Variants in RAI14 observed in about 807,000 individuals in gnomAD.
RAI14 encodes ankycorbin.
Under a neutral mutation model 115.4 loss-of-function variants are expected in RAI14, and 45 were observed. The observed-to-expected ratio is 0.39, with a 90% CI of 0.31 to 0.50. RAI14 has a LOEUF of 0.50. Ranked by LOEUF, RAI14 falls within the 20% of genes least tolerant of loss-of-function variation. The pLI is 0.85. For missense variants in RAI14, 939 were observed against 1,131.2 expected (o/e 0.83, Z 2.44); for synonymous variants, 371 against 415.4 (o/e 0.89, Z 1.30).
At chr5:34,732,621 T>A (rs1744344624) in intron 2 of RAI14, among the ~76,000 whole-genome samples, 1 of 151,636 alleles carries the variant, frequency 6.6e-6, no homozygotes, top group South Asian at 2.1e-4. Flanking sequence ...GTGTTTTTAG[T>A]AGAGATGGGG....
intron 1 of RAI14, among the ~76,000 whole-genome samples, chr5:34,677,187 CACA>C (rs1186744086): frequency 3.5e-5 from 2 of 57,120 alleles, no homozygotes; most frequent in Non-Finnish European, 6.2e-5. Flanking sequence ...TTTTTTGAGA[CACA>C]GTTTCACTCT....
At chr5:34,714,742 T>G (rs1257032723) in intron 2 of RAI14, among the ~76,000 whole-genome samples, 1 of 152,182 alleles carries the variant, frequency 6.6e-6, no homozygotes, top group Non-Finnish European at 1.5e-5. Context: ...AGGATTCTGT[T>G]TTTTATTTAC....
At chr5:34,819,246 A>G (rs2150286158) in intron 13 of RAI14, among the ~76,000 whole-genome samples, 1 of 152,364 alleles carries the variant, frequency 6.6e-6, no homozygotes, top group Admixed American at 6.5e-5. Context: ...ACTAAAAATT[A>G]TGGCAGTTAT....
chr5:34,764,977 T>C (rs1411893094), intron 3 of RAI14, among the ~76,000 whole-genome samples: 2 of 152,174 alleles, frequency 1.3e-5, no homozygotes, highest in Non-Finnish European at 2.9e-5. Context: ...ATACTGTTCT[T>C]GCGGTAGTGA....
Position 34,824,101 on chromosome 5 carries a change from T to C in RAI14, c.2259T>C (p.Asn753=), listed in dbSNP as rs147044769. 1.2e-3 allele frequency: 1,868 copies of C among 1,613,992 alleles called. 14 individuals carry two copies. In the African/African-American group the frequency reaches 0.021, roughly 18 times the overall value. The change falls in exon 15 of 18, where the codon AAT becomes AAC. Residue 753 remains asparagine (N), a synonymous_variant. Transcript: ENST00000265109. ...AAGAGATGGAAGAAAAAATAAGCAATCTTAAGGAACACCTTGCAAGCAAGG... is the reference window on the plus strand; with the variant it reads ...AAGAGATGGAAGAAAAAATAAGCAACCTTAAGGAACACCTTGCAAGCAAGG... ...AAKEMEEKIS[N]LKEHLASKEV... is the part of the protein sequence containing the mutation.
At chr5:34,781,336 G>A (rs1722116504) in intron 3 of RAI14, among the ~76,000 whole-genome samples, 1 of 151,908 alleles carries the variant, frequency 6.6e-6, no homozygotes, top group South Asian at 2.1e-4. Context: ...CAAACCTTGT[G>A]CACATGTACC....
chr5:34,759,768 C>T (rs1165227956), intron 3 of RAI14, among the ~76,000 whole-genome samples: 1 of 152,156 alleles, frequency 6.6e-6, no homozygotes, highest in Non-Finnish European at 1.5e-5. Context: ...ATCCCCCGTA[C>T]CTGGTCTGTG....
In RAI14 at chr5:34,727,021, A is replaced by G. The variant is rs143429970; in HGVS notation, c.37-30447A>G. Among the ~76,000 whole-genome samples, 1,442 of 152,330 alleles carry G rather than the reference A, an allele frequency of 9.5e-3. 27 individuals carry two copies. The highest frequency in any genetic ancestry group is 0.033 in the African/African-American group (1,354 of 41,574). ...CTGGGTAACAGGCAGAGGTTGAGAC[A>G]GTTTGGAGGACTCAGAAGAAGACAG... On this transcript the variant is annotated intron_variant, in intron 2 of 17. Coordinates refer to ENST00000265109, the MANE Select transcript of RAI14 (RefSeq NM_015577.3).
intron 2 of RAI14, among the ~76,000 whole-genome samples, chr5:34,753,000 A>G (rs1298792464): frequency 1.3e-5 from 2 of 152,012 alleles, no homozygotes; most frequent in Admixed American, 6.6e-5. Context: ...TAAGACATTT[A>G]ACTTTATTAA....
Position 34,819,185 on chromosome 5 carries a change from C to A in RAI14, c.994+334C>A, listed in dbSNP as rs1011497980. Among the ~76,000 whole-genome samples the A allele has an allele frequency of 2.6e-4, 40 of 152,178 alleles. 1 individual carries two copies. Among genetic ancestry groups the A allele is most frequent in the African/African-American group, 9.4e-4 (39 of 41,440 alleles). On this transcript the variant is annotated intron_variant, in intron 13 of 17. Transcript: ENST00000265109. ...CAGTGATTTTGTCACCAAGAGAATTCCTATCACCTTACTGTTATTGCAGAT... is the reference window on the plus strand; with the variant it reads ...CAGTGATTTTGTCACCAAGAGAATTACTATCACCTTACTGTTATTGCAGAT...
chr5:34,679,905 A>G (rs1264884529), intron 1 of RAI14, among the ~76,000 whole-genome samples: 2 of 151,280 alleles, frequency 1.3e-5, no homozygotes, highest in Non-Finnish European at 3.0e-5. Flanking sequence ...TACACCTGGG[A>G]TCCACGAGAG....
At chr5:34,716,136 C>A in intron 2 of RAI14, 1 of 423,384 alleles carries the variant, frequency 2.4e-6, no homozygotes, top group Non-Finnish European at 4.6e-6. Context: ...AAAGACAAGG[C>A]AAATAGGCAA....
At position 34,752,743 on chromosome 5, in the gene RAI14, G is replaced by GTATATA. The variant is rs1470753966; in HGVS notation, c.37-4724_37-4723insATATAT. On this transcript the variant is annotated intron_variant, in intron 2 of 17. Coordinates refer to ENST00000265109, the MANE Select transcript of RAI14 (RefSeq NM_015577.3). ...TGTGTGTGTGTGTGTGTGTGTGTGT[G>GTATATA]TGTGTGTATATATATATATATATGT... Among the ~76,000 whole-genome samples, 89 of 100,898 alleles carry GTATATA rather than the reference G, an allele frequency of 8.8e-4. 4 individuals are homozygous for GTATATA. Among genetic ancestry groups the GTATATA allele is most frequent in the African/African-American group, 3.6e-3 (85 of 23,590 alleles). The allele number at this position is 100,898 out of a possible 152,430, so 66.2% of individuals were successfully genotyped here.
chr5:34,692,300 T>A (rs1738713819), intron 2 of RAI14, among the ~76,000 whole-genome samples: 1 of 151,454 alleles, frequency 6.6e-6, no homozygotes, highest in Admixed American at 6.6e-5. Flanking sequence ...ACAGCTCTCA[T>A]GAGGATCAAC....
chr5:34,687,837 G>A, intron 2 of RAI14: 2 of 1,303,220 alleles, frequency 1.5e-6, no homozygotes, highest in Non-Finnish European at 2.1e-6. Flanking sequence ...TGGCACAGCT[G>A]CATTTTTGCA....
chr5:34,664,414 CAAAAA>C (rs11311801), intron 1 of RAI14, among the ~76,000 whole-genome samples: 1 of 108,410 alleles, frequency 9.2e-6, no homozygotes, highest in Non-Finnish European at 1.8e-5. Context: ...GACACTGTCT[CAAAAA>C]AAAAAAAAAA....
Position 34,702,686 on chromosome 5 carries a change from A to G in RAI14, c.36+15731A>G, listed in dbSNP as rs1403748289. Among the ~76,000 whole-genome samples the G allele has an allele frequency of 2.1e-4, 32 of 152,204 alleles. 1 individual carries two copies. Among genetic ancestry groups the G allele is most frequent in the Admixed American group, 2.1e-3 (32 of 15,280 alleles). On this transcript the variant is annotated intron_variant, in intron 2 of 17. Transcript: ENST00000265109. ...ACTGTTATAATTTTGGACACACTTA[A>G]GGAAAGCTATGGCAAGTAAATAGTC...
At chr5:34,758,724 A>G (rs1048449187) in intron 3 of RAI14, among the ~76,000 whole-genome samples, 5 of 152,128 alleles carry the variant, frequency 3.3e-5, no homozygotes, top group Admixed American at 2.6e-4. Context: ...CTGATTTTAT[A>G]AATAAAGTTT....
At chr5:34,752,747 G>GTATATA (rs1401812633) in intron 2 of RAI14, among the ~76,000 whole-genome samples, 4 of 109,560 alleles carry the variant, frequency 3.7e-5, no homozygotes, top group East Asian at 2.7e-4. Flanking sequence ...GTGTGTGTGT[G>GTATATA]TGTATATATA....
Sources: allele counts gnomAD v4.1 joint callset (sites outside exome capture counted in the v4.1 genomes callset), GRCh38; gene constraint gnomAD v4.1.1; transcripts MANE v1.5; gene names NCBI Gene and HGNC (gene_info 2026-07-23, HGNC 2026-07-21).